The following GRID1 variants were observed in gnomAD, a reference collection of about 807,000 sequenced individuals.
GRID1 encodes glutamate ionotropic receptor delta type subunit 1.
GRID1 carries 28 observed loss-of-function variants against 98.0 expected under a neutral mutation model. That is an observed-to-expected ratio of 0.29 (90% CI 0.21 to 0.39). GRID1 has a LOEUF of 0.39. GRID1 is among the 10% of genes least tolerant of loss of function. GRID1 has a pLI of 1.00. For missense variants in GRID1, 1,111 were observed against 1,340.5 expected, an observed-to-expected ratio of 0.83 and a Z score of 2.67; for synonymous variants, 553 against 538.5, an observed-to-expected ratio of 1.03 and a Z score of -0.37.
At chr10:86,237,995 G>T (rs941258408) in intron 2 of GRID1, among the ~76,000 whole-genome samples, 1 of 152,188 alleles carries the variant, frequency 6.6e-6, no homozygotes, top group Admixed American at 6.5e-5. Context: ...TTTGGAACTG[G>T]GTAATTGCCA....
intron 5 of GRID1, among the ~76,000 whole-genome samples, chr10:85,913,085 G>T (rs1841563708): frequency 6.6e-6 from 1 of 152,168 alleles, no homozygotes; most frequent in Admixed American, 6.5e-5. Context: ...ACCCTGGGGT[G>T]CCTGGGTGAA....
chr10:86,254,330 A>G (rs981600900), intron 2 of GRID1, among the ~76,000 whole-genome samples: 1 of 152,128 alleles, frequency 6.6e-6, no homozygotes, highest in African/African-American at 2.4e-5. Context: ...CATCATCTTC[A>G]TCTAGGCCAG....
At chr10:86,211,919 A>G (rs1846113121) in intron 2 of GRID1, among the ~76,000 whole-genome samples, 1 of 152,196 alleles carries the variant, frequency 6.6e-6, no homozygotes, top group South Asian at 2.1e-4. Flanking sequence ...CTCCCGGCTC[A>G]GTGCAGGCCC....
intron 13 of GRID1, among the ~76,000 whole-genome samples, chr10:85,637,062 C>G (rs945133821): frequency 1.3e-5 from 2 of 152,078 alleles, no homozygotes; most frequent in Non-Finnish European, 2.9e-5. Context: ...ATACTAGTCA[C>G]TAATTTTTAT....
intron 8 of GRID1, among the ~76,000 whole-genome samples, chr10:85,749,723 A>G (rs1476000761): frequency 6.6e-6 from 1 of 152,180 alleles, no homozygotes; most frequent in Non-Finnish European, 1.5e-5. Context: ...TTCCTCAGAC[A>G]GTCCAAAACT....
chr10:85,929,718 AT>A (rs1841823580), intron 4 of GRID1, among the ~76,000 whole-genome samples: 1 of 152,150 alleles, frequency 6.6e-6, no homozygotes, highest in South Asian at 2.1e-4. Flanking sequence ...AAAGCCTTCT[AT>A]TGACAAATGG....
chr10:86,285,608 G>A (rs756065317), intron 2 of GRID1, among the ~76,000 whole-genome samples: 12 of 152,174 alleles, frequency 7.9e-5, no homozygotes, highest in Non-Finnish European at 1.3e-4. Flanking sequence ...ATGTCAGCAC[G>A]CCCACACAGG....
At chr10:85,881,812 C>G (rs370495227) in intron 5 of GRID1, among the ~76,000 whole-genome samples, 17 of 151,992 alleles carry the variant, frequency 1.1e-4, no homozygotes, top group Admixed American at 3.9e-4. Flanking sequence ...CACAGCAAAA[C>G]AAACTACCAT....
At chr10:85,808,863 T>G (rs1437515236) in intron 8 of GRID1, among the ~76,000 whole-genome samples, 1 of 151,950 alleles carries the variant, frequency 6.6e-6, no homozygotes, top group African/African-American at 2.4e-5. Context: ...AGAAAATGAC[T>G]GATAATCAAG....
intron 12 of GRID1, among the ~76,000 whole-genome samples, chr10:85,719,547 A>G (rs541126779): frequency 6.6e-6 from 1 of 152,324 alleles, no homozygotes; most frequent in East Asian, 1.9e-4. Context: ...GGAAGAAGCA[A>G]AAGCAGAAAC....
chr10:86,343,395 A>G (rs1401396296), intron 2 of GRID1, among the ~76,000 whole-genome samples: 1 of 152,244 alleles, frequency 6.6e-6, no homozygotes, highest in Admixed American at 6.5e-5. Context: ...AATTATAAGA[A>G]GACAGTGGGC....
chr10:86,169,107 G>A (rs555193977), intron 3 of GRID1, among the ~76,000 whole-genome samples: 1 of 152,332 alleles, frequency 6.6e-6, no homozygotes, highest in East Asian at 1.9e-4. Flanking sequence ...CAGGATCATG[G>A]CAAGAGCTAG....
At chr10:86,187,060 C>A (rs1435537057) in intron 3 of GRID1, among the ~76,000 whole-genome samples, 1 of 152,160 alleles carries the variant, frequency 6.6e-6, no homozygotes, top group South Asian at 2.1e-4. Context: ...TCCCTTTTAG[C>A]TTTTACCTTA....
chr10:85,890,201 A>G (rs1841176918), intron 5 of GRID1, among the ~76,000 whole-genome samples: 1 of 152,050 alleles, frequency 6.6e-6, no homozygotes, highest in Non-Finnish European at 1.5e-5. Context: ...TGATGTTAGG[A>G]GAAATAAATT....
chr10:86,262,794 A>G (rs1240406578), intron 2 of GRID1, among the ~76,000 whole-genome samples: 1 of 152,216 alleles, frequency 6.6e-6, no homozygotes, highest in African/African-American at 2.4e-5. Context: ...CGATTCTGCC[A>G]GACTTCTGCG....
Position 86,181,129 on chromosome 10 carries a change from T to G in GRID1, c.520+25235A>C, listed in dbSNP as rs551007966. Among the ~76,000 whole-genome samples the G allele has an allele frequency of 2.6e-5, 4 of 152,112 alleles. No homozygotes were observed. In the South Asian group the frequency reaches 8.3e-4, roughly 32 times the overall value. On this transcript the variant is annotated intron_variant, in intron 3 of 15. Transcript: ENST00000327946. ...TGTGCAGAGCAACCCCCAGTACAGG[T>G]GCCAGGAGCAGGGCACGTTCCCTGG...
intron 2 of GRID1, among the ~76,000 whole-genome samples, chr10:86,222,345 T>C (rs1846269025): frequency 6.6e-6 from 1 of 152,102 alleles, no homozygotes; most frequent in Non-Finnish European, 1.5e-5. Flanking sequence ...GAGGGCGTGG[T>C]CAGTCCTTCA....
chr10:86,364,824 G>A (rs55962684), intron 1 of GRID1, among the ~76,000 whole-genome samples: 99 of 152,366 alleles, frequency 6.5e-4, no homozygotes, highest in African/African-American at 2.4e-3. Flanking sequence ...GGGGGTCCCA[G>A]AAGGAGCTGC....
intron 5 of GRID1, among the ~76,000 whole-genome samples, chr10:85,887,313 G>A (rs1420045338): frequency 1.3e-5 from 2 of 152,202 alleles, no homozygotes; most frequent in African/African-American, 4.8e-5. Context: ...AGTGGAAGAA[G>A]GGGCATCTTC....
Sources: gnomAD v4.1 joint callset for allele counts (sites outside exome capture counted in the v4.1 genomes callset) on GRCh38, gnomAD v4.1.1 for gene constraint, MANE v1.5 for transcripts, NCBI Gene and HGNC (gene_info 2026-07-23, HGNC 2026-07-21) for gene names.